PDE10A: variants seen among roughly 807,000 people sequenced by gnomAD.
The protein encoded by PDE10A is cAMP and cAMP-inhibited cGMP 3',5'-cyclic phosphodiesterase 10A.
A neutral mutation model predicts 97.7 loss-of-function variants in PDE10A; 39 were observed. The observed-to-expected ratio is 0.40, with a 90% CI of 0.31 to 0.52. The LOEUF (loss-of-function observed/expected upper bound fraction) is 0.52. PDE10A is among the 20% of genes least tolerant of loss of function. The probability of loss-of-function intolerance (pLI) is 0.56; values close to 1 mark genes in which losing one functional copy is unlikely to be tolerated. For missense variants in PDE10A, 731 were observed against 1,047.8 expected (o/e 0.70, Z 4.17); for synonymous variants, 371 against 376.8 (o/e 0.98, Z 0.18).
chr6:165,731,998 A>G (rs1021108564), intron 1 of PDE10A, among the ~76,000 whole-genome samples: 1 of 152,196 alleles, frequency 6.6e-6, no homozygotes, highest in African/African-American at 2.4e-5. Flanking sequence ...CTTTTATAAG[A>G]AAATTACGAG....
rs1384649986 is a variant in PDE10A, at chr6:165,662,057, CTG to C, written c.753_754del (p.Ser252LeufsTer21). On this transcript the variant is annotated frameshift_variant, in exon 1 of 22. Coordinates refer to ENST00000539869, the MANE Select transcript of PDE10A (RefSeq NM_001385079.1). LOFTEE classifies it high-confidence loss of function. The stretch of plus-strand genomic sequence containing the variant: ...CGCGGCCGCGGCGGCGAGGGCGAAG[CTG>C]GCGCCCTGGGGACGCCGCGGAGTTT... The C allele has an allele frequency of 6.9e-7, 1 of 1,445,282 alleles. No individual in the cohort carries two copies. Among genetic ancestry groups the C allele is most frequent in the Non-Finnish European group, 9.2e-7 (1 of 1,089,338 alleles). 89.5% of individuals were successfully genotyped at this position (1,445,282 alleles called of 1,614,324 possible). A position where few individuals can be genotyped will look rare whatever the true frequency, so the allele number is the denominator to read the frequency against.
intron 2 of PDE10A, among the ~76,000 whole-genome samples, chr6:165,538,029 C>CTTCTA (rs1783199183): frequency 6.6e-6 from 1 of 151,776 alleles, no homozygotes; most frequent in Non-Finnish European, 1.5e-5. Flanking sequence ...ATCCTTCTTC[C>CTTCTA]GTATATATAC....
chr6:165,898,871 A>G (rs562140388), intron 1 of PDE10A, among the ~76,000 whole-genome samples: 3 of 152,272 alleles, frequency 2.0e-5, no homozygotes, highest in Admixed American at 2.0e-4. Flanking sequence ...CGGCAGCCTC[A>G]GGGTCTCTGC....
intron 18 of PDE10A, among the ~76,000 whole-genome samples, chr6:165,357,084 C>T (rs1457524018): frequency 6.6e-6 from 1 of 152,006 alleles, no homozygotes; most frequent in African/African-American, 2.4e-5. Flanking sequence ...GATTTTTGGC[C>T]TTCATAAATG....
chr6:165,734,425 C>A (rs1433008761), intron 1 of PDE10A, among the ~76,000 whole-genome samples: 1 of 152,000 alleles, frequency 6.6e-6, no homozygotes, highest in Non-Finnish European at 1.5e-5. Context: ...GTTAGCACTC[C>A]CAGAATTTCA....
intron 1 of PDE10A, among the ~76,000 whole-genome samples, chr6:165,790,063 T>G (rs546895390): frequency 6.6e-6 from 1 of 152,172 alleles, no homozygotes; most frequent in African/African-American, 2.4e-5. Context: ...CAAACTAATT[T>G]CCAGGGTCGC....
Position 165,662,651 on chromosome 6 carries a change from G to A in PDE10A, c.161C>T (p.Pro54Leu), listed in dbSNP as rs1262606668. 8.4e-5 allele frequency: 12 copies of A among 142,226 alleles called. No individual in the cohort carries two copies. The highest frequency in any genetic ancestry group is 8.3e-4 in the Admixed American group (12 of 14,526). The allele number at this position is 142,226 out of a possible 1,614,324, so 8.8% of individuals were successfully genotyped here. A position where few individuals can be genotyped will look rare whatever the true frequency, so the allele number is the denominator to read the frequency against. The part of the protein sequence containing the change: ...AAGPGPAPEW[P>L]GRGRAERAAP... Reference sequence around the variant, plus strand: ...GGCGCGCTCCGCCCGGCCACGGCCAGGCCACTCGGGGGCCGGGCCCGGGCC... The same window carrying A: ...GGCGCGCTCCGCCCGGCCACGGCCAAGCCACTCGGGGGCCGGGCCCGGGCC... Residue 54 changes from proline to leucine, a missense_variant, in exon 1 of 22, where the codon CCT becomes CTT. Transcript: ENST00000539869.
At chr6:165,826,850 AG>A (rs1674541967) in intron 1 of PDE10A, among the ~76,000 whole-genome samples, 1 of 151,532 alleles carries the variant, frequency 6.6e-6, no homozygotes, top group East Asian at 1.9e-4. Flanking sequence ...ACGGAGGGAC[AG>A]GAGGTGGCAC....
intron 1 of PDE10A, among the ~76,000 whole-genome samples, chr6:165,687,412 C>T (rs767177423): frequency 2.0e-5 from 3 of 152,168 alleles, no homozygotes; most frequent in Non-Finnish European, 4.4e-5. Flanking sequence ...ACTGCAGAGT[C>T]GCAACATTGA....
At chr6:165,582,552 A>C (rs1202030719) in intron 1 of PDE10A, among the ~76,000 whole-genome samples, 1 of 152,096 alleles carries the variant, frequency 6.6e-6, no homozygotes, top group East Asian at 1.9e-4. Context: ...CTGAAATTTA[A>C]ATTTAAGTGG....
chr6:165,617,355 A>T (rs1787772589), intron 1 of PDE10A, among the ~76,000 whole-genome samples: 1 of 152,178 alleles, frequency 6.6e-6, no homozygotes, highest in African/African-American at 2.4e-5. Context: ...TTAAAAAAAT[A>T]AAAAATTGAG....
intron 18 of PDE10A, among the ~76,000 whole-genome samples, chr6:165,358,769 C>T (rs1783197288): frequency 1.3e-5 from 2 of 151,790 alleles, no homozygotes; most frequent in South Asian, 4.2e-4. Flanking sequence ...TCCTGCTTCC[C>T]TGTGGTTTTA....
intron 2 of PDE10A, among the ~76,000 whole-genome samples, chr6:165,484,349 G>A (rs936517852): frequency 3.9e-5 from 6 of 152,218 alleles, no homozygotes; most frequent in Admixed American, 2.0e-4. Context: ...GGAGGTGAGC[G>A]GCGGCAAGCG....
chr6:165,516,665 G>A (rs686406), intron 2 of PDE10A, among the ~76,000 whole-genome samples: 89,263 of 152,072 alleles, frequency 0.59, 30,813 homozygotes, highest in Non-Finnish European at 0.75. Flanking sequence ...TGAGGTTAAC[G>A]TGAAAGCTTC....
Position 165,790,542 on chromosome 6 carries a change from G to C in PDE10A, c.-615+196987C>G, listed in dbSNP as rs1051886606. Among the ~76,000 whole-genome samples, 4 of 152,108 alleles carry C rather than the reference G, an allele frequency of 2.6e-5. No individual in the cohort carries two copies. In the East Asian group the frequency reaches 7.7e-4, roughly 29 times the overall value. On this transcript the variant is annotated intron_variant, in intron 1 of 19. Coordinates refer to the PDE10A transcript ENST00000366882. ...AGCAATAAATTCTATGTGCGGCAGG[G>C]GTGAATTCTTATCTTCTCGGCAGTG...
In PDE10A at chr6:165,570,073, T is replaced by C. The variant is rs57158170; in HGVS notation, c.866-26505A>G. On this transcript the variant is annotated intron_variant, in intron 1 of 21. Coordinates refer to ENST00000539869, the MANE Select transcript of PDE10A (RefSeq NM_001385079.1). Reference sequence around the variant, plus strand: ...AGTCCTAACCCCCAGTACCTCAGAATGTGACTCTGTGTGGAGAAGGGACCT... The same window carrying C: ...AGTCCTAACCCCCAGTACCTCAGAACGTGACTCTGTGTGGAGAAGGGACCT... Among the ~76,000 whole-genome samples, 629 of 152,278 alleles carry C rather than the reference T, an allele frequency of 4.1e-3. 5 individuals are homozygous for C. Among genetic ancestry groups the C allele is most frequent in the African/African-American group, 0.014 (568 of 41,566 alleles).
chr6:165,657,692 C>T (rs1429122696), intron 1 of PDE10A, among the ~76,000 whole-genome samples: 1 of 152,180 alleles, frequency 6.6e-6, no homozygotes, highest in African/African-American at 2.4e-5. Flanking sequence ...GTTTCTTCTG[C>T]TTCTCATTTG....
chr6:165,986,513 G>GTCTCTCTCTCTCTCTCTCTCTCTC (rs55892857), intron 1 of PDE10A: 1 of 146,058 alleles, frequency 6.8e-6, no homozygotes, highest in African/African-American at 2.6e-5. Flanking sequence ...CTCTCTCTCT[G>GTCTCTCTCTCTCTCTCTCTCTCTC]TCTCTCTCTC....
intron 1 of PDE10A, among the ~76,000 whole-genome samples, chr6:165,638,187 C>A (rs12216010): frequency 0.14 from 20,537 of 152,090 alleles, 1,829 homozygotes; most frequent in Non-Finnish European, 0.19. Flanking sequence ...ACCCTCCCCC[C>A]ACCAAAAAAG....
Sources: gnomAD v4.1 joint callset for allele counts (sites outside exome capture counted in the v4.1 genomes callset) on GRCh38, gnomAD v4.1.1 for gene constraint, MANE v1.5 for transcripts, NCBI Gene and HGNC (gene_info 2026-07-23, HGNC 2026-07-21) for gene names.